Variants in PDE8B observed in about 807,000 individuals in gnomAD.
PDE8B encodes the protein high affinity cAMP-specific and IBMX-insensitive 3',5'-cyclic phosphodiesterase 8B.
A neutral mutation model predicts 101.3 loss-of-function variants in PDE8B; 26 were observed. The ratio of observed to expected loss-of-function variants is 0.26; its 90% CI spans 0.19 to 0.36. The LOEUF (loss-of-function observed/expected upper bound fraction) is 0.36. PDE8B is among the 10% of genes least tolerant of loss of function. The pLI, the probability that PDE8B is intolerant of heterozygous loss-of-function variation, is 1.00. For synonymous variants in PDE8B, 424 were observed against 429.3 expected (o/e 0.99, Z 0.15); for missense variants, 810 against 1,163.1 (o/e 0.70, Z 4.42).
chr5:77,338,622 T>C (rs1269969764), intron 6 of PDE8B, among the ~76,000 whole-genome samples: 1 of 152,240 alleles, frequency 6.6e-6, no homozygotes, highest in Non-Finnish European at 1.5e-5. Context: ...AAACCCATGT[T>C]GCCTGTACTT....
chr5:77,347,800 G>A (rs543647571), intron 7 of PDE8B, among the ~76,000 whole-genome samples: 1 of 152,148 alleles, frequency 6.6e-6, no homozygotes, highest in Admixed American at 6.5e-5. Flanking sequence ...ACAGGGAAGG[G>A]TATTATAAGC....
rs1767389342 is a variant in PDE8B, at chr5:77,291,721, G to A, written c.340-20273G>A. 5.6e-6 allele frequency: 9 copies of A among 1,593,176 alleles called. No homozygotes were observed. The South Asian group carries it at 9.9e-5, about 18-fold the overall frequency. ...GGCAGGGAATCTGGCAGTGATGCCT[G>A]GAAACAGTACATGAGAAGGTCTACT... On this transcript the variant is annotated intron_variant, in intron 1 of 21. Coordinates refer to ENST00000264917, the MANE Select transcript of PDE8B (RefSeq NM_003719.5).
chr5:77,211,108 C>G lies in PDE8B; in HGVS notation c.183C>G (p.Pro61=). The G allele has an allele frequency of 6.6e-7, 1 of 1,504,674 alleles. No individual in the cohort carries two copies. Among genetic ancestry groups the G allele is most frequent in the Non-Finnish European group, 8.8e-7 (1 of 1,134,114 alleles). The allele number at this position is 1,504,674 out of a possible 1,614,324, so 93.2% of individuals were successfully genotyped here. The change falls in exon 1 of 22, where the codon CCC becomes CCG. Residue 61 remains proline, a synonymous_variant. Coordinates refer to ENST00000264917, the MANE Select transcript of PDE8B (RefSeq NM_003719.5). This position sits in a 1 kb window ranked among gnomAD's most constrained non-coding sequence, Gnocchi z 4.1. ...DAIPPSRASG[P]PSVARVRRAR... is the part of the protein sequence containing the mutation. ...TCCCCCCGAGCCGCGCGTCGGGACC[C>G]CCCAGCGTAGCCCGCGTCCGCAGGG...
chr5:77,358,311 C>T (rs1782477483), intron 10 of PDE8B: 1 of 230,714 alleles, frequency 4.3e-6, no homozygotes, highest in African/African-American at 2.3e-5. Flanking sequence ...TGTTGCTTCC[C>T]TGTCCTTTAG....
intron 5 of PDE8B, among the ~76,000 whole-genome samples, chr5:77,335,197 T>C (rs1386744974): frequency 6.6e-6 from 1 of 152,220 alleles, no homozygotes; most frequent in African/African-American, 2.4e-5. Flanking sequence ...TACATACATA[T>C]CTTTCTATGT....
chr5:77,334,362 T>C (rs1777714042), intron 5 of PDE8B, among the ~76,000 whole-genome samples: 1 of 152,224 alleles, frequency 6.6e-6, no homozygotes, highest in African/African-American at 2.4e-5. Flanking sequence ...GCCGACTATA[T>C]AGATGCTAAT....
intron 10 of PDE8B, among the ~76,000 whole-genome samples, chr5:77,371,409 C>G (rs1053342086): frequency 6.6e-6 from 1 of 152,142 alleles, no homozygotes; most frequent in African/African-American, 2.4e-5. Flanking sequence ...TGTCAAAAGT[C>G]AAATGAGTAT....
intron 10 of PDE8B, among the ~76,000 whole-genome samples, chr5:77,393,026 C>G (rs1247277705): frequency 3.3e-5 from 5 of 152,206 alleles, no homozygotes; most frequent in African/African-American, 7.2e-5. Flanking sequence ...AAACTTGGTT[C>G]TTCTTTAGAG....
chr5:77,287,760 T>A (rs1173848530), intron 1 of PDE8B, among the ~76,000 whole-genome samples: 1 of 152,234 alleles, frequency 6.6e-6, no homozygotes, highest in Non-Finnish European at 1.5e-5. Flanking sequence ...CCCATCCATC[T>A]GGTAACTGAT....
chr5:77,412,738 G>A (rs572499581), intron 16 of PDE8B, among the ~76,000 whole-genome samples: 110 of 140,558 alleles, frequency 7.8e-4, no homozygotes, highest in African/African-American at 2.8e-3. Flanking sequence ...GACCATCCAA[G>A]CTGTTTTTTT....
At position 77,349,342 on chromosome 5, in the gene PDE8B, T is replaced by C. The variant is rs1780683134; in HGVS notation, c.877-77T>C. The C allele has an allele frequency of 2.3e-5, 36 of 1,588,034 alleles. No homozygotes were observed. The South Asian group carries it at 4.0e-4, about 18-fold the overall frequency. ...TATTCCTCTGGGTCCCAACAAGTCT[T>C]CCTACGGGGCACACAGACATTTCAT... On this transcript the variant is annotated intron_variant, in intron 7 of 21. Transcript: ENST00000264917.
chr5:77,286,157 A>AT (rs1378311747), intron 1 of PDE8B, among the ~76,000 whole-genome samples: 4 of 152,106 alleles, frequency 2.6e-5, no homozygotes, highest in African/African-American at 9.7e-5. Flanking sequence ...TTATTGTTTC[A>AT]TTTTAGCAGG....
At chr5:77,314,264 A>T (rs745505357) in intron 2 of PDE8B, among the ~76,000 whole-genome samples, 27 of 152,118 alleles carry the variant, frequency 1.8e-4, no homozygotes, top group Non-Finnish European at 3.4e-4. Context: ...CTTATCCAGT[A>T]CCACACTGTC....
At chr5:77,298,946 C>G (rs1342261143) in intron 1 of PDE8B, among the ~76,000 whole-genome samples, 5 of 152,222 alleles carry the variant, frequency 3.3e-5, no homozygotes, top group Non-Finnish European at 5.9e-5. Flanking sequence ...GCATTATACT[C>G]TGGTTTTCTC....
intron 1 of PDE8B, among the ~76,000 whole-genome samples, chr5:77,280,769 T>C (rs1266287389): frequency 6.6e-6 from 1 of 152,170 alleles, no homozygotes; most frequent in Non-Finnish European, 1.5e-5. Context: ...TGGTGGCACA[T>C]GCCTGTAATC....
intron 10 of PDE8B, among the ~76,000 whole-genome samples, chr5:77,385,286 G>C (rs565725967): frequency 1.3e-5 from 2 of 152,162 alleles, no homozygotes; most frequent in South Asian, 4.2e-4. Flanking sequence ...ATTCTCTGAT[G>C]GTAGTTTGTA....
chr5:77,177,765 G>T, the PDE8B span, among the ~76,000 whole-genome samples: 1 of 152,210 alleles, frequency 6.6e-6, no homozygotes, highest in Non-Finnish European at 1.5e-5. Context: ...TGGAGGTAGT[G>T]GATATAGCAT....
chr5:77,290,898 G>A, intron 1 of PDE8B: 2 of 1,604,736 alleles, frequency 1.2e-6, no homozygotes, highest in Non-Finnish European at 1.7e-6. Context: ...CAAGGTTCTG[G>A]AGGACAACAA....
At chr5:77,201,090 G>C in the PDE8B span, among the ~76,000 whole-genome samples, 1 of 152,164 alleles carries the variant, frequency 6.6e-6, no homozygotes, top group Middle Eastern at 3.2e-3. Flanking sequence ...CTGCAGCCTC[G>C]AGGCACCTTA....
Sources: gnomAD v4.1 joint callset for allele counts (sites outside exome capture counted in the v4.1 genomes callset) on GRCh38, gnomAD v4.1.1 for gene constraint, Gnocchi (gnomAD v3.1) non-coding constraint, MANE v1.5 for transcripts, NCBI Gene and HGNC (gene_info 2026-07-23, HGNC 2026-07-21) for gene names.